The following PLCG2 variants were observed in gnomAD, a reference collection of about 807,000 sequenced individuals.
PLCG2 encodes the protein phospholipase C gamma 2.
A neutral mutation model predicts 175.6 loss-of-function variants in PLCG2; 69 were observed. That is an observed-to-expected ratio of 0.39 (90% CI 0.32 to 0.48). The LOEUF is 0.48. PLCG2 is among the 20% of genes least tolerant of loss of function. The pLI is 0.91. For missense variants in PLCG2, 1,798 were observed against 1,650.9 expected, an observed-to-expected ratio of 1.09 and a Z score of -1.54; for synonymous variants, 827 against 624.0, an observed-to-expected ratio of 1.33 and a Z score of -4.85.
At chr16:81,798,318 C>G (rs1300354581) in intron 2 of PLCG2, 1 of 152,348 alleles carries the variant, frequency 6.6e-6, no homozygotes, top group Non-Finnish European at 1.5e-5. Context: ...GCGTGGGGGA[C>G]ATGGGACAGG....
At chr16:81,953,207 G>A (rs1418993293) in intron 31 of PLCG2, among the ~76,000 whole-genome samples, 1 of 152,238 alleles carries the variant, frequency 6.6e-6, no homozygotes, top group Admixed American at 6.5e-5. Context: ...AATGACTAAA[G>A]GTTCTGTGGG....
chr16:81,921,325 T>G, intron 21 of PLCG2, 56 bp downstream of exon 21: 1 of 1,085,252 alleles, frequency 9.2e-7, no homozygotes, highest in Non-Finnish European at 1.4e-6. Context: ...CTGATGTGGA[T>G]TCCATCTTGT....
chr16:81,886,302 A>G (rs575635124), intron 9 of PLCG2, among the ~76,000 whole-genome samples: 5 of 152,346 alleles, frequency 3.3e-5, no homozygotes, highest in Non-Finnish European at 7.3e-5. Flanking sequence ...CTCTCTCTGC[A>G]TCTGGGGAGT....
At chr16:81,840,192 G>A (rs115154204) in intron 2 of PLCG2, among the ~76,000 whole-genome samples, 6 of 152,324 alleles carry the variant, frequency 3.9e-5, no homozygotes, top group Admixed American at 2.0e-4. Flanking sequence ...AACGAAGGGC[G>A]ATGAGATGGC....
At chr16:81,926,932 G>A (rs1361494798) in intron 22 of PLCG2, 150 bp from the exon 23 acceptor site, 6 of 637,788 alleles carry the variant, frequency 9.4e-6, no homozygotes, top group Admixed American at 5.0e-5. Context: ...CCTTTGAGAT[G>A]CTCCATTGTC....
chr16:81,815,304 C>G (rs1323490250), intron 2 of PLCG2, among the ~76,000 whole-genome samples: 1 of 152,168 alleles, frequency 6.6e-6, no homozygotes, highest in African/African-American at 2.4e-5. Flanking sequence ...CCAGTCCTCA[C>G]CAAGGGGTCT....
chr16:81,799,331 C>T (rs779520397), intron 2 of PLCG2, among the ~76,000 whole-genome samples: 8 of 152,098 alleles, frequency 5.3e-5, no homozygotes, highest in East Asian at 3.9e-4. Context: ...TCACAACATG[C>T]GACCCTTTTG....
rs1373593342 is a variant in PLCG2 at position 81,891,610 on chromosome 16, G to C, written c.986+20G>C. The C allele has an allele frequency of 1.4e-6, 2 of 1,383,664 alleles. No homozygotes were observed. Among genetic ancestry groups the C allele is most frequent in the Non-Finnish European group, 2.1e-6 (2 of 970,570 alleles). The allele number at this position is 1,383,664 out of a possible 1,614,324, so 85.7% of individuals were successfully genotyped here. On this transcript the variant is annotated intron_variant, in intron 11 of 32. Transcript: ENST00000564138. ...TAACACGTGAGTTTCAGATGAGCCT[G>C]TGATGGGTTGGGCAGCACAGAGCAC... is the stretch of plus-strand genomic sequence containing the variant.
intron 9 of PLCG2, among the ~76,000 whole-genome samples, chr16:81,887,172 T>A (rs1169887216): frequency 6.6e-6 from 1 of 150,674 alleles, no homozygotes; most frequent in Non-Finnish European, 1.5e-5. Context: ...CAGGCTGGAG[T>A]ACAGTGGCGC....
At chr16:81,955,998 A>C (rs1226633206) in intron 31 of PLCG2, among the ~76,000 whole-genome samples, 1 of 152,196 alleles carries the variant, frequency 6.6e-6, no homozygotes, top group African/African-American at 2.4e-5. Context: ...TCATGGCCAC[A>C]ATCAATTTTA....
chr16:81,902,672 T>G (rs1909201487), intron 14 of PLCG2, among the ~76,000 whole-genome samples: 1 of 152,062 alleles, frequency 6.6e-6, no homozygotes, highest in East Asian at 1.9e-4. Context: ...TCATTCCCGT[T>G]CATGAGGACT....
intron 15 of PLCG2, among the ~76,000 whole-genome samples, chr16:81,906,858 C>A (rs539023250): frequency 1.3e-5 from 2 of 151,986 alleles, no homozygotes; most frequent in African/African-American, 4.8e-5. Flanking sequence ...GCTAACATGG[C>A]GAATCCCCGT....
chr16:81,748,025 C>G (rs1909737483), intron 1 of PLCG2, among the ~76,000 whole-genome samples: 1 of 152,178 alleles, frequency 6.6e-6, no homozygotes, highest in Non-Finnish European at 1.5e-5. Context: ...CAGGCACCTG[C>G]AAGCACACTC....
intron 2 of PLCG2, among the ~76,000 whole-genome samples, chr16:81,820,555 C>T (rs940651696): frequency 2.0e-5 from 3 of 152,212 alleles, no homozygotes; most frequent in African/African-American, 7.2e-5. Context: ...CTGCCTACTC[C>T]CCCATTCTCC....
intron 2 of PLCG2, among the ~76,000 whole-genome samples, chr16:81,837,804 G>A (rs1296260851): frequency 2.0e-5 from 3 of 150,922 alleles, no homozygotes; most frequent in Admixed American, 6.6e-5. Flanking sequence ...TCATGTGAAC[G>A]TTACCCAATT....
Position 81,946,381 on chromosome 16 carries a change from A to AGCATGAGACATCATACAAGAATTCCT in PLCG2, c.3570+119_3570+144dup, listed in dbSNP as rs1288935667. 1.8e-4 allele frequency: 133 copies of AGCATGAGACATCATACAAGAATTCCT among 722,642 alleles called. 2 individuals are homozygous for AGCATGAGACATCATACAAGAATTCCT. In the East Asian group the frequency reaches 3.4e-3, roughly 18 times the overall value. The allele number at this position is 722,642 out of a possible 1,614,324, so 44.8% of individuals were successfully genotyped here. A position where few individuals can be genotyped will look rare whatever the true frequency, so the allele number is the denominator to read the frequency against. On this transcript the variant is annotated intron_variant, in intron 31 of 32. Coordinates refer to ENST00000564138, the MANE Select transcript of PLCG2 (RefSeq NM_002661.5). ...AGCCCATTCAGAATTGTCTAGCCCA[A>AGCATGAGACATCATACAAGAATTCCT]GCATGAGACATCATACAAGAATTCC...
chr16:81,761,037 T>A (rs887583382), intron 2 of PLCG2, among the ~76,000 whole-genome samples: 1 of 152,118 alleles, frequency 6.6e-6, no homozygotes, highest in Non-Finnish European at 1.5e-5. Flanking sequence ...GCTGGGACTA[T>A]AAGTGCGCAC....
At chr16:81,888,966 A>C (rs553113996) in intron 9 of PLCG2, among the ~76,000 whole-genome samples, 49 of 152,176 alleles carry the variant, frequency 3.2e-4, no homozygotes, top group African/African-American at 1.1e-3. Flanking sequence ...CAAAATATTT[A>C]CCTCTGGCTC....
At chr16:81,900,412 G>A (rs770837896) in intron 13 of PLCG2, among the ~76,000 whole-genome samples, 200 bp from the exon 14 acceptor site, 2 of 152,356 alleles carry the variant, frequency 1.3e-5, no homozygotes, top group Non-Finnish European at 2.9e-5. Flanking sequence ...GAATCAGATC[G>A]CAGCTGTTCT....
Sources: gnomAD v4.1 joint callset for allele counts (sites outside exome capture counted in the v4.1 genomes callset) on GRCh38, gnomAD v4.1.1 for gene constraint, MANE v1.5 for transcripts, NCBI Gene and HGNC (gene_info 2026-07-23, HGNC 2026-07-21) for gene names.